Variants in COG4 observed in about 807,000 individuals in gnomAD.
The protein encoded by COG4 is component of oligomeric golgi complex 4.
In COG4, 65 loss-of-function variants were observed where a neutral mutation model predicts 95.1. That is an observed-to-expected ratio of 0.68 (90% CI 0.56 to 0.84). COG4 has a LOEUF of 0.84. COG4 is among the 40% of genes least tolerant of loss of function. The pLI is 0.00. For synonymous variants in COG4, 421 were observed against 374.8 expected (o/e 1.12, Z -1.42); for missense variants, 1,045 against 989.1 (o/e 1.06, Z -0.76).
At chr16:70,483,768 C>T (rs1448946982) in intron 14 of COG4, 85 bp downstream of exon 14, 2 of 1,085,114 alleles carry the variant, frequency 1.8e-6, no homozygotes, top group African/African-American at 1.5e-5. Flanking sequence ...CTCCTGGCTT[C>T]CTTGCACACG....
chr16:70,509,473 C>G, intron 6 of COG4, 85 bp from the exon 7 acceptor site: 2 of 1,470,112 alleles, frequency 1.4e-6, no homozygotes, highest in Non-Finnish European at 1.9e-6. Flanking sequence ...AACCGAAGGT[C>G]TAGCTCAATC....
At chr16:70,516,609 T>G (rs2049828554) in intron 3 of COG4, among the ~76,000 whole-genome samples, 2 of 152,232 alleles carry the variant, frequency 1.3e-5, no homozygotes, top group South Asian at 4.1e-4. Flanking sequence ...TTGAGTACCT[T>G]TATGTCTATA....
At chr16:70,512,103 T>C (rs1205415214) in intron 5 of COG4, 136 bp downstream of exon 5, 4 of 842,036 alleles carry the variant, frequency 4.8e-6, no homozygotes, top group Non-Finnish European at 7.9e-6. Flanking sequence ...CAGTCCTGCA[T>C]GGCTACACAG....
chr16:70,516,051 A>G (rs1315621914), intron 3 of COG4: 1 of 456,014 alleles, frequency 2.2e-6, no homozygotes, highest in East Asian at 7.0e-5. Context: ...CTACCACGAA[A>G]GGATATTGAA....
rs68141616 is a variant in COG4, at chr16:70,500,365, C to CTTT, written c.1195+590_1195+592dup. Among the ~76,000 whole-genome samples, 26 of 96,150 alleles carry CTTT rather than the reference C, an allele frequency of 2.7e-4. 2 individuals carry two copies. Among genetic ancestry groups the CTTT allele is most frequent in the South Asian group, 7.8e-4 (2 of 2,558 alleles). The allele number at this position is 96,150 out of a possible 152,430, so 63.1% of individuals were successfully genotyped here. ...AGAGGATTCCTGTACATTATATACT[C>CTTT]TTTTTTTTTTTTTTTTTTTTTGAGA... On this transcript the variant is annotated intron_variant, in intron 9 of 18. Transcript: ENST00000323786.
At chr16:70,492,080 G>A (rs1375189756) in intron 12 of COG4, among the ~76,000 whole-genome samples, 1 of 152,146 alleles carries the variant, frequency 6.6e-6, no homozygotes, top group Non-Finnish European at 1.5e-5. Flanking sequence ...AGAGTGACAA[G>A]GCCACAAAGC....
chr16:70,514,801 C>T (rs1474854471), intron 3 of COG4, among the ~76,000 whole-genome samples: 1 of 152,074 alleles, frequency 6.6e-6, no homozygotes, highest in Non-Finnish European at 1.5e-5. Context: ...GTAACCTCTG[C>T]CTCCTGGGCC....
intron 4 of COG4, 83 bp downstream of exon 4, chr16:70,514,252 T>A: frequency 7.9e-7 from 1 of 1,258,114 alleles, no homozygotes; most frequent in East Asian, 2.3e-5. Context: ...TAAAAACTGA[T>A]GTGTTTTTAT....
intron 8 of COG4, among the ~76,000 whole-genome samples, chr16:70,504,609 T>TAAAAAAAA (rs66751123): frequency 3.3e-5 from 4 of 121,978 alleles, no homozygotes; most frequent in African/African-American, 7.2e-5. Context: ...AGATTCTATT[T>TAAAAAAAA]AAAAAAAAAA....
At chr16:70,492,257 A>C (rs1160353242) in intron 12 of COG4, among the ~76,000 whole-genome samples, 1 of 152,206 alleles carries the variant, frequency 6.6e-6, no homozygotes, top group Non-Finnish European at 1.5e-5. Flanking sequence ...CTTTATAATA[A>C]ACAAATAAAC....
chr16:70,497,998 T>C lies in COG4; in HGVS notation c.1253A>G (p.Gln418Arg), dbSNP rs2049374837. 1.2e-6 allele frequency: 2 copies of C among 1,613,874 alleles called. No individual in the cohort carries two copies. Among genetic ancestry groups the C allele is most frequent in the East Asian group, 2.2e-5 (1 of 44,874 alleles). The change falls in exon 10 of 19, where the codon CAG becomes CGG. Residue 418 changes from glutamine (Q) to arginine (R), a missense_variant. Physicochemically the swap from Gln to Arg is conservative, Grantham distance 43. Transcript: ENST00000323786. Reference protein sequence around the residue: ...LNNCLLSCTMQELIGLYVTME... With the variant: ...LNNCLLSCTMRELIGLYVTME... ...GGTAACATATAAGCCAATTAGCTCC[T>C]GCATGGTACAGCTCAAAAGGCAGTT...
intron 10 of COG4, 145 bp downstream of exon 10, chr16:70,497,792 A>G: frequency 1.3e-6 from 1 of 763,492 alleles, no homozygotes; most frequent in Non-Finnish European, 2.4e-6. Context: ...GATGCTCTCT[A>G]AACATACAAA....
intron 9 of COG4, among the ~76,000 whole-genome samples, chr16:70,500,296 C>G (rs1028164303): frequency 6.6e-6 from 1 of 150,978 alleles, no homozygotes; most frequent in Non-Finnish European, 1.5e-5. Context: ...TCAATTATTC[C>G]TTGAAAAATT....
intron 1 of COG4, among the ~76,000 whole-genome samples, chr16:70,522,445 T>G (rs1364614660): frequency 6.6e-6 from 1 of 152,170 alleles, no homozygotes; most frequent in Non-Finnish European, 1.5e-5. Flanking sequence ...AGAGCGGCCC[T>G]GTTTCTAAAA....
chr16:70,522,244 C>G (rs2049962753), intron 1 of COG4, among the ~76,000 whole-genome samples: 1 of 152,088 alleles, frequency 6.6e-6, no homozygotes, highest in Admixed American at 6.5e-5. Flanking sequence ...ATCCTCCCGT[C>G]TTGGCCTCCC....
intron 13 of COG4, 106 bp downstream of exon 13, chr16:70,490,222 GGC>G: frequency 1.1e-6 from 1 of 908,192 alleles, no homozygotes; most frequent in East Asian, 2.4e-5. Context: ...CCTCAAGTGT[GGC>G]TCAATGTCAC....
rs146239382 is a variant in COG4, at chr16:70,484,505, T to C, written c.1711-536A>G. On this transcript the variant is annotated intron_variant, in intron 13 of 18. Coordinates refer to ENST00000323786, the MANE Select transcript of COG4 (RefSeq NM_015386.3). ...AAAACCACAAAAGTCAGTTTCTGCT[T>C]CTTAAATATTTTGGTATGGCTACCA... Among the ~76,000 whole-genome samples, 789 of 152,344 alleles carry C rather than the reference T, an allele frequency of 5.2e-3. 2 individuals are homozygous for C. Among genetic ancestry groups the C allele is most frequent in the Non-Finnish European group, 9.0e-3 (614 of 68,036 alleles).
At chr16:70,486,128 C>T (rs1274248340) in intron 13 of COG4, among the ~76,000 whole-genome samples, 3 of 151,906 alleles carry the variant, frequency 2.0e-5, no homozygotes, top group African/African-American at 7.3e-5. Flanking sequence ...ATCTCCTGAC[C>T]TTGTGATCCG....
intron 13 of COG4, among the ~76,000 whole-genome samples, chr16:70,485,486 G>T (rs139670497): frequency 0.011 from 1,633 of 151,342 alleles, 27 homozygotes; most frequent in African/African-American, 0.038. Context: ...TTACAGGTGT[G>T]AGCCATCGCG....
Sources: allele counts gnomAD v4.1 joint callset (sites outside exome capture counted in the v4.1 genomes callset), GRCh38; gene constraint gnomAD v4.1.1; transcripts MANE v1.5; gene names NCBI Gene and HGNC (gene_info 2026-07-23, HGNC 2026-07-21).